PRKAR2A: variants seen among roughly 807,000 people sequenced by gnomAD.
PRKAR2A encodes the protein protein kinase cAMP-dependent type II regulatory subunit alpha, also known as cAMP-dependent protein kinase type II-alpha regulatory subunit.
PRKAR2A carries 29 observed loss-of-function variants against 51.9 expected under a neutral mutation model. The ratio of observed to expected loss-of-function variants is 0.56; its 90% confidence interval spans 0.42 to 0.76. The LOEUF is 0.76. PRKAR2A is among the 30% of genes least tolerant of loss of function. The probability of loss-of-function intolerance (pLI) is 0.00; values close to 1 mark genes in which losing one functional copy is unlikely to be tolerated. For synonymous variants in PRKAR2A, 178 were observed against 186.2 expected, an observed-to-expected ratio of 0.96 and a Z score of 0.36; for missense variants, 445 against 512.1, an observed-to-expected ratio of 0.87 and a Z score of 1.26.
intron 5 of PRKAR2A, among the ~76,000 whole-genome samples, chr3:48,773,779 C>T (rs528968831): frequency 4.0e-5 from 6 of 151,626 alleles, no homozygotes; most frequent in African/African-American, 1.5e-4. Flanking sequence ...TATACATACA[C>T]ATAAATATAT....
At chr3:48,820,091 C>T (rs771817240) in intron 1 of PRKAR2A, among the ~76,000 whole-genome samples, 6 of 152,178 alleles carry the variant, frequency 3.9e-5, no homozygotes, top group Admixed American at 1.3e-4. Context: ...ATTCCAAAAA[C>T]GGAATATGAC....
intron 2 of PRKAR2A, among the ~76,000 whole-genome samples, chr3:48,797,662 C>T (rs1057124443): frequency 3.3e-5 from 5 of 152,100 alleles, no homozygotes; most frequent in African/African-American, 7.2e-5. Context: ...CCAACAGGGA[C>T]CCTATATCCT....
intron 8 of PRKAR2A, among the ~76,000 whole-genome samples, chr3:48,759,968 A>C (rs2081838827): frequency 6.6e-6 from 1 of 152,244 alleles, no homozygotes; most frequent in Non-Finnish European, 1.5e-5. Context: ...GATTTTGTAA[A>C]ACTAAAGCCA....
At chr3:48,817,389 C>T (rs1192831957) in intron 1 of PRKAR2A, among the ~76,000 whole-genome samples, 3 of 151,398 alleles carry the variant, frequency 2.0e-5, no homozygotes, top group Admixed American at 1.3e-4. Context: ...TGGTGGCTCA[C>T]GCCTGTAATC....
chr3:48,807,254 C>G (rs1447137231), intron 2 of PRKAR2A, among the ~76,000 whole-genome samples: 1 of 152,086 alleles, frequency 6.6e-6, no homozygotes, highest in East Asian at 1.9e-4. Context: ...CAAGGCAATG[C>G]TCAGTCTCTG....
At chr3:48,755,163 AT>A (rs1241380446) in intron 9 of PRKAR2A, among the ~76,000 whole-genome samples, 1 of 151,226 alleles carries the variant, frequency 6.6e-6, no homozygotes, top group African/African-American at 2.4e-5. Context: ...TGCCTGGCTA[AT>A]TTTTTGTATT....
At chr3:48,824,567 AAGAAAGAAAG>A (rs2083027275) in intron 1 of PRKAR2A, among the ~76,000 whole-genome samples, 1 of 139,914 alleles carries the variant, frequency 7.1e-6, no homozygotes, top group African/African-American at 3.2e-5. Flanking sequence ...GAAAGAAAGA[AAGAAAGAAAG>A]AAAGAAAGAA....
intron 2 of PRKAR2A, among the ~76,000 whole-genome samples, chr3:48,807,243 C>G (rs2082687949): frequency 6.6e-6 from 1 of 152,100 alleles, no homozygotes; most frequent in African/African-American, 2.4e-5. Context: ...ACAGAAAAAG[C>G]CAAGGCAATG....
rs751716892 is a variant in PRKAR2A, at chr3:48,752,219, G to A, written c.1038C>T (p.Pro346=). The change falls in exon 10 of 11, where the codon CCC becomes CCT. Residue 346 remains proline, a synonymous_variant. Transcript: ENST00000265563. ...FGELALVTNK[P]RAASAYAVGD... ...CAACTGCATAAGCTGAGGCAGCTCTGGGTTTGTTGGTGACCAGGGCAAGCT... is the reference window on the plus strand; with the variant it reads ...CAACTGCATAAGCTGAGGCAGCTCTAGGTTTGTTGGTGACCAGGGCAAGCT... 1 of 1,614,142 alleles carries A rather than the reference G, an allele frequency of 6.2e-7. No individual in the cohort carries two copies. Among genetic ancestry groups the A allele is most frequent in the Non-Finnish European group, 8.5e-7 (1 of 1,180,014 alleles).
In PRKAR2A at chr3:48,773,106, C is replaced by A; in HGVS notation, c.545G>T (p.Gly182Val). The A allele has an allele frequency of 6.3e-7, 1 of 1,599,572 alleles. No individual in the cohort carries two copies. Among genetic ancestry groups the A allele is most frequent in the Non-Finnish European group, 8.5e-7 (1 of 1,170,300 alleles). ...TTTTGTTACTAAAATGTCATAAGTT[C>A]CCCTAGAAGAATGACAAAGAATAAT... Reference protein sequence around the residue: ...DGDNFYVIERGTYDILVTKDN... With the variant: ...DGDNFYVIERVTYDILVTKDN... Residue 182 changes from glycine to valine, a missense_variant and splice_region_variant, in exon 6 of 11, where the codon GGA becomes GTA. Transcript: ENST00000265563.
chr3:48,816,082 G>A (rs1177227677), intron 1 of PRKAR2A, among the ~76,000 whole-genome samples: 2 of 149,152 alleles, frequency 1.3e-5, no homozygotes, highest in African/African-American at 4.9e-5. Context: ...CTCCAACCTT[G>A]CCTCCTATAC....
At chr3:48,757,382 A>G (rs1394589460) in intron 8 of PRKAR2A, among the ~76,000 whole-genome samples, 2 of 152,228 alleles carry the variant, frequency 1.3e-5, no homozygotes, top group Non-Finnish European at 2.9e-5. Context: ...TCCGTTCTTC[A>G]AAAGGCTCCC....
At position 48,798,865 on chromosome 3, in the gene PRKAR2A, C is replaced by T. The variant is rs199816017; in HGVS notation, c.299-4816G>A. On this transcript the variant is annotated intron_variant, in intron 2 of 10. Coordinates refer to ENST00000265563, the MANE Select transcript of PRKAR2A (RefSeq NM_004157.4). Reference sequence around the variant, plus strand: ...TAGTAGAGATGGGGTTTCATCATGTCGGCCAGGCTGGTCTCGAACTCCTGG... The same window carrying T: ...TAGTAGAGATGGGGTTTCATCATGTTGGCCAGGCTGGTCTCGAACTCCTGG... Among the ~76,000 whole-genome samples, 12 of 151,732 alleles carry T rather than the reference C, an allele frequency of 7.9e-5. No individual in the cohort carries two copies. The East Asian group carries it at 1.8e-3, about 22-fold the overall frequency.
At chr3:48,803,994 A>C (rs1415917295) in intron 2 of PRKAR2A, among the ~76,000 whole-genome samples, 1 of 152,148 alleles carries the variant, frequency 6.6e-6, no homozygotes, top group Non-Finnish European at 1.5e-5. Flanking sequence ...AAGCATGAGA[A>C]TATAGCATGA....
chr3:48,760,544 G>A (rs181199846), intron 8 of PRKAR2A, among the ~76,000 whole-genome samples: 2 of 151,592 alleles, frequency 1.3e-5, no homozygotes, highest in South Asian at 2.1e-4. Context: ...GGTGTAGGCC[G>A]GGCGCAGTGG....
At position 48,847,780 on chromosome 3, in the gene PRKAR2A, A is replaced by T; in HGVS notation, c.-184T>A. The stretch of plus-strand genomic sequence containing the variant: ...GCGCAACCCTACGCTACCACGGCCG[A>T]CCTGGCACCGCCGCCGCTGTCACTG... On this transcript the variant is annotated 5_prime_UTR_variant, in exon 1 of 11. Coordinates refer to ENST00000265563, the MANE Select transcript of PRKAR2A (RefSeq NM_004157.4). The surrounding 1 kb of genome is among the most constrained non-coding windows in gnomAD (Gnocchi z 4.4). The T allele has an allele frequency of 3.7e-6, 2 of 541,162 alleles. No individual in the cohort carries two copies. Among genetic ancestry groups the T allele is most frequent in the Non-Finnish European group, 5.6e-6 (2 of 354,636 alleles). 33.5% of individuals were successfully genotyped at this position (541,162 alleles called of 1,614,324 possible). A position where few individuals can be genotyped will look rare whatever the true frequency, so the allele number is the denominator to read the frequency against.
intron 1 of PRKAR2A, among the ~76,000 whole-genome samples, chr3:48,814,478 G>A (rs1427885957): frequency 6.6e-6 from 1 of 152,176 alleles, no homozygotes; most frequent in Non-Finnish European, 1.5e-5. Context: ...AAGGGTCACT[G>A]AGTGGGATAT....
chr3:48,830,541 T>C (rs1476675751), intron 1 of PRKAR2A, among the ~76,000 whole-genome samples: 3 of 152,146 alleles, frequency 2.0e-5, no homozygotes, highest in Non-Finnish European at 4.4e-5. Context: ...TAATTATTAT[T>C]ATCAAGTATC....
chr3:48,786,099 A>C (rs2107297821), intron 4 of PRKAR2A, among the ~76,000 whole-genome samples: 1 of 151,942 alleles, frequency 6.6e-6, no homozygotes, highest in South Asian at 2.1e-4. Flanking sequence ...TACTATGAAA[A>C]ATATCTGGCA....
Sources: gnomAD v4.1 joint callset for allele counts (sites outside exome capture counted in the v4.1 genomes callset) on GRCh38, gnomAD v4.1.1 for gene constraint, Gnocchi (gnomAD v3.1) non-coding constraint, MANE v1.5 for transcripts, NCBI Gene and HGNC (gene_info 2026-07-23, HGNC 2026-07-21) for gene names.